The following SLC39A6 variants were observed in gnomAD, a reference collection of about 807,000 sequenced individuals.
The protein encoded by SLC39A6 is zinc transporter ZIP6.
In SLC39A6, 51 loss-of-function variants were observed where a neutral mutation model predicts 63.5. The ratio of observed to expected loss-of-function variants is 0.80; its 90% confidence interval spans 0.64 to 1.01. SLC39A6 has a LOEUF of 1.01. Among genes scored for constraint, SLC39A6 ranks in the 50% least tolerant of loss-of-function variants. SLC39A6 has a pLI of 0.00. For missense variants in SLC39A6, 805 were observed against 927.8 expected, an observed-to-expected ratio of 0.87 and a Z score of 1.72; for synonymous variants, 318 against 324.7, an observed-to-expected ratio of 0.98 and a Z score of 0.22.
Position 36,114,192 on chromosome 18 carries a change from G to C in SLC39A6, c.1748C>G (p.Ser583Cys), listed in dbSNP as rs1405665488. The C allele has an allele frequency of 6.2e-7, 1 of 1,614,094 alleles. No individual in the cohort carries two copies. Among genetic ancestry groups the C allele is most frequent in the Non-Finnish European group, 8.5e-7 (1 of 1,180,038 alleles). The change falls in exon 7 of 10, where the codon TCT becomes TGT. Residue 583 changes from serine to cysteine, a missense_variant. By Grantham distance (112) the Ser-to-Cys change is moderately radical (BLOSUM62 -1). This residue lies in a region of SLC39A6 where 145 missense variants were observed against 227.2 expected (regional missense o/e 0.64). Transcript: ENST00000269187. The part of the protein sequence containing the change: ...HHPHSHSQRY[S>C]REELKDAGVA... ...GCCGGCATCTTTCAGCTCCTCCCGA[G>C]AGTAGCGCTGGCTGTGACTGTGAGG...
In SLC39A6 at chr18:36,110,969, C is replaced by T. The variant is rs1000696276; in HGVS notation, c.2115+90G>A. ...AGCAAGATTCCACTTCCTGCTCCCC[C>T]AAAAAGAGAGAAAAAAAATGAGGCT... On this transcript the variant is annotated intron_variant, in intron 9 of 9. Transcript: ENST00000269187. 3.3e-6 allele frequency: 5 copies of T among 1,534,888 alleles called. No individual in the cohort carries two copies. In the African/African-American group the frequency reaches 4.2e-5, roughly 13 times the overall value.
At position 36,109,668 on chromosome 18, in the gene SLC39A6, C is replaced by G. The variant is rs2089285387; in HGVS notation, c.2193G>C (p.Gly731=). 6.2e-7 allele frequency: 1 copy of G among 1,611,930 alleles called. No homozygotes were observed. Among genetic ancestry groups the G allele is most frequent in the African/African-American group, 1.3e-5 (1 of 74,824 alleles). The change falls in exon 10 of 10, where the codon GGG becomes GGC. Residue 731 remains glycine, a synonymous_variant. Transcript: ENST00000269187. ...ACATAATTCCAAAACCCAAAAGCATCCCAGCATTCTGTAAAAAGAAATACC... is the reference window on the plus strand; with the variant it reads ...ACATAATTCCAAAACCCAAAAGCATGCCAGCATTCTGTAAAAAGAAATACC... The part of the protein sequence containing the change: ...RWGYFFLQNA[G]MLLGFGIMLL...
chr18:36,117,744 A>G (rs1291778597), intron 5 of SLC39A6, among the ~76,000 whole-genome samples: 2 of 152,224 alleles, frequency 1.3e-5, no homozygotes, highest in Non-Finnish European at 2.9e-5. Flanking sequence ...TTTTAAAGGC[A>G]AACACGGCCG....
Position 36,124,635 on chromosome 18 carries a change from T to C in SLC39A6, c.855A>G (p.Thr285=). 15 of 1,590,658 alleles carry C rather than the reference T, an allele frequency of 9.4e-6. No individual in the cohort carries two copies. Among genetic ancestry groups the C allele is most frequent in the Non-Finnish European group, 1.3e-5 (15 of 1,161,088 alleles). The change falls in exon 3 of 10, where the codon ACA becomes ACG. Residue 285 remains threonine (T), a synonymous_variant. Transcript: ENST00000269187. ...GMGIQVPLNA[T]EFNYLCPAII... ...TGGCTGGACAGAGATAGTTGAACTCTGTTGCATTCAGCGGAACCTGGATGC... is the reference window on the plus strand; with the variant it reads ...TGGCTGGACAGAGATAGTTGAACTCCGTTGCATTCAGCGGAACCTGGATGC...
rs748142788 is a variant in SLC39A6, at chr18:36,126,496, T to A, written c.512A>T (p.His171Leu). The A allele has an allele frequency of 7.4e-6, 12 of 1,614,142 alleles. No individual in the cohort carries two copies. The Admixed American group carries it at 2.0e-4, about 27-fold the overall frequency. Reference sequence around the variant, plus strand: ...CTTGACATTCCTTCTACCACTGGCATGTTCTGGTCGGTGAGCTCCTTTCCC... The same window carrying A: ...CTTGACATTCCTTCTACCACTGGCAAGTTCTGGTCGGTGAGCTCCTTTCCC... The part of the protein sequence containing the change: ...SQGKGAHRPE[H>L]ASGRRNVKDS... Residue 171 changes from histidine to leucine, a missense_variant, in exon 2 of 10, where the codon CAT becomes CTT. His to Leu is a moderately conservative substitution (Grantham distance 99). Around this residue, in one of 4 missense-constraint regions of SLC39A6, gnomAD observed 639 missense variants for 644.0 expected, o/e 0.99. Coordinates refer to ENST00000269187, the MANE Select transcript of SLC39A6 (RefSeq NM_012319.4).
intron 2 of SLC39A6, among the ~76,000 whole-genome samples, chr18:36,124,961 G>A (rs928913837): frequency 3.3e-5 from 5 of 152,140 alleles, no homozygotes; most frequent in Non-Finnish European, 7.4e-5. Flanking sequence ...GGTGGAACAA[G>A]CATGAGGATA....
intron 5 of SLC39A6, among the ~76,000 whole-genome samples, chr18:36,119,381 C>T (rs1905777869): frequency 6.6e-6 from 1 of 152,016 alleles, no homozygotes; most frequent in Non-Finnish European, 1.5e-5. Flanking sequence ...TTACTACCAT[C>T]GATTATGTAC....
rs118092712 is a variant in SLC39A6 at position 36,112,773 on chromosome 18, G to A, written c.1844-192C>T. ...CATGAGGTCTAAATTTCCCAAAGGA[G>A]CACATCGGGCATGAAAGAGAAGGGA... On this transcript the variant is annotated intron_variant, in intron 7 of 9. Coordinates refer to ENST00000269187, the MANE Select transcript of SLC39A6 (RefSeq NM_012319.4). Among the ~76,000 whole-genome samples the A allele has an allele frequency of 3.5e-4, 53 of 152,326 alleles. No individual in the cohort carries two copies. The East Asian group carries it at 8.5e-3, about 24-fold the overall frequency.
chr18:36,128,908 G>A (rs1199176982), intron 1 of SLC39A6, among the ~76,000 whole-genome samples: 3 of 152,148 alleles, frequency 2.0e-5, no homozygotes, highest in Admixed American at 2.0e-4. Flanking sequence ...GTTGCACCCC[G>A]AAGCCCATCT....
chr18:36,122,207 G>A lies in SLC39A6; in HGVS notation c.1204C>T (p.Pro402Ser), dbSNP rs1215258831. ...EEPAMEMKRG[P>S]LFSHLSSQNI... ...TGAGAAGACAGATGACTGAAAAGTG[G>A]TCCTCTTTTCATTTCCATTGCTGGT... The change falls in exon 5 of 10, where the codon CCA becomes TCA. Residue 402 changes from proline (P) to serine (S), a missense_variant. Transcript: ENST00000269187. 2 of 1,614,066 alleles carry A rather than the reference G, an allele frequency of 1.2e-6. No individual in the cohort carries two copies. Among genetic ancestry groups the A allele is most frequent in the South Asian group, 1.1e-5 (1 of 91,074 alleles).
chr18:36,128,655 C>A (rs1055421717), intron 1 of SLC39A6, among the ~76,000 whole-genome samples: 1 of 152,156 alleles, frequency 6.6e-6, no homozygotes, highest in African/African-American at 2.4e-5. Flanking sequence ...AGCTCCGAGC[C>A]TTTCTCCAGG....
At chr18:36,126,097 A>T (rs369911032) in intron 2 of SLC39A6, 122 bp downstream of exon 2, 2 of 994,996 alleles carry the variant, frequency 2.0e-6, no homozygotes, top group African/African-American at 3.2e-5. Context: ...GAAGGTGGAA[A>T]TTCCCTTTTC....
At chr18:36,120,656 T>C (rs1426452974) in intron 5 of SLC39A6, among the ~76,000 whole-genome samples, 2 of 152,034 alleles carry the variant, frequency 1.3e-5, no homozygotes, top group Non-Finnish European at 2.9e-5. Context: ...TGGTAAGGAG[T>C]TACTTCTTTT....
chr18:36,117,191 C>T (rs1249055171), intron 5 of SLC39A6, among the ~76,000 whole-genome samples: 4 of 152,114 alleles, frequency 2.6e-5, no homozygotes, highest in South Asian at 2.1e-4. Flanking sequence ...GAGCCAAGAT[C>T]GTGCCACTGC....
chr18:36,125,510 T>G (rs1435806782), intron 2 of SLC39A6, among the ~76,000 whole-genome samples: 1 of 152,156 alleles, frequency 6.6e-6, no homozygotes, highest in Non-Finnish European at 1.5e-5. Flanking sequence ...CTACTAGGAT[T>G]AGTCCAGAAT....
intron 7 of SLC39A6, among the ~76,000 whole-genome samples, chr18:36,113,514 A>G (rs1431612646): frequency 7.2e-5 from 11 of 152,208 alleles, no homozygotes; most frequent in African/African-American, 2.7e-4. Context: ...AACACAGCAC[A>G]GCCTCCTTGG....
intron 7 of SLC39A6, 117 bp downstream of exon 7, chr18:36,113,980 C>T: frequency 1.6e-6 from 2 of 1,271,246 alleles, no homozygotes; most frequent in Non-Finnish European, 2.1e-6. Context: ...TTTTTATAAT[C>T]TTGGAAGTCA....
chr18:36,121,098 G>A (rs2089389707), intron 5 of SLC39A6, among the ~76,000 whole-genome samples: 1 of 151,562 alleles, frequency 6.6e-6, no homozygotes, highest in Admixed American at 6.6e-5. Flanking sequence ...GAATATGAGT[G>A]TACAGATGTA....
chr18:36,121,031 C>T (rs1013816815), intron 5 of SLC39A6, among the ~76,000 whole-genome samples: 5 of 151,928 alleles, frequency 3.3e-5, no homozygotes, highest in South Asian at 2.1e-4. Context: ...AAAAAAGAAA[C>T]GATACAGAAT....
Sources: allele counts gnomAD v4.1 joint callset (sites outside exome capture counted in the v4.1 genomes callset), GRCh38; gene constraint gnomAD v4.1.1; regional missense constraint gnomAD v4.1.1; transcripts MANE v1.5; gene names NCBI Gene and HGNC (gene_info 2026-07-23, HGNC 2026-07-21).